SLC29A1: variants seen among roughly 807,000 people sequenced by gnomAD.
The protein encoded by SLC29A1 is solute carrier family 29 member 1 (Augustine blood group), also known as equilibrative nucleoside transporter 1.
A neutral mutation model predicts 48.3 loss-of-function variants in SLC29A1; 22 were observed. The observed-to-expected ratio is 0.46, with a 90% confidence interval of 0.33 to 0.65. SLC29A1 has a LOEUF of 0.65. Among genes scored for constraint, SLC29A1 ranks in the 30% least tolerant of loss-of-function variants. SLC29A1 has a pLI of 0.03. For missense variants in SLC29A1, 491 were observed against 575.3 expected (o/e 0.85, Z 1.50); for synonymous variants, 228 against 231.0 (o/e 0.99, Z 0.12).
Position 44,229,356 on chromosome 6 carries a change from C to T in SLC29A1, c.30-34C>T, listed in dbSNP as rs762701366. 6.9e-5 allele frequency: 106 copies of T among 1,529,266 alleles called. No homozygotes were observed. The highest frequency in any genetic ancestry group is 9.0e-5 in the Non-Finnish European group (99 of 1,102,574). The allele number at this position is 1,529,266 out of a possible 1,614,324, so 94.7% of individuals were successfully genotyped here. A position where few individuals can be genotyped will look rare whatever the true frequency, so the allele number is the denominator to read the frequency against. On this transcript the variant is annotated intron_variant, in intron 2 of 12. Coordinates refer to ENST00000371755, the MANE Select transcript of SLC29A1 (RefSeq NM_001372327.1). This position sits in a 1 kb window ranked among gnomAD's most constrained non-coding sequence, Gnocchi z 5.1. ...CATTGTGGAGTGGGGCAGGATGGTG[C>T]GTCATTTGGCCCATCTTTCCTCCTC... is the stretch of plus-strand genomic sequence containing the variant.
chr6:44,229,389 G>C lies in SLC29A1; in HGVS notation c.30-1G>C, dbSNP rs1778325639. On this transcript the variant is annotated splice_acceptor_variant, in intron 2 of 12. Coordinates refer to ENST00000371755, the MANE Select transcript of SLC29A1 (RefSeq NM_001372327.1). LOFTEE classifies it high-confidence loss of function. The surrounding 1 kb of genome is among the most constrained non-coding windows in gnomAD (Gnocchi z 5.1). ...GGCCCATCTTTCCTCCTCCATTGCA[G>C]ATACAAAGCTGTCTGGCTTATCTTC... 6.2e-7 allele frequency: 1 copy of C among 1,613,554 alleles called. No homozygotes were observed. Among genetic ancestry groups the C allele is most frequent in the Non-Finnish European group, 8.5e-7 (1 of 1,179,456 alleles).
intron 1 of SLC29A1, chr6:44,225,916 G>T (rs777415029): frequency 6.5e-6 from 1 of 153,606 alleles, no homozygotes; most frequent in African/African-American, 2.4e-5. Context: ...CTTATCTCCC[G>T]AGCGACAGGG....
At chr6:44,230,772 G>A (rs559579599) in intron 7 of SLC29A1, 39 bp from the exon 8 acceptor site, 2 of 1,591,164 alleles carry the variant, frequency 1.3e-6, no homozygotes, top group South Asian at 2.2e-5. Context: ...TGGAGATTCT[G>A]CCTCTAAATC....
rs1778609540 is a variant in SLC29A1, at chr6:44,230,610, C to T, written c.632C>T (p.Thr211Ile). The T allele has an allele frequency of 1.2e-6, 2 of 1,613,948 alleles. No individual in the cohort carries two copies. Among genetic ancestry groups the T allele is most frequent in the East Asian group, 4.5e-5 (2 of 44,866 alleles). Residue 211 changes from threonine (T) to isoleucine (I), a missense_variant, in exon 7 of 13, where the codon ACA becomes ATA. Physicochemically the swap from Thr to Ile is moderately conservative, Grantham distance 89. Transcript: ENST00000371755. ...GAAAGTGCCTTCGGCTACTTTATCACAGCCTGTGCTGTTATCATTTTGACC... is the reference window on the plus strand; with the variant it reads ...GAAAGTGCCTTCGGCTACTTTATCATAGCCTGTGCTGTTATCATTTTGACC... Reference protein sequence around the residue: ...LSESAFGYFITACAVIILTII... With the variant: ...LSESAFGYFIIACAVIILTII...
chr6:44,219,781 A>C (rs762699413), upstream of SLC29A1: 66 of 1,212,698 alleles, frequency 5.4e-5, 1 homozygote, highest in South Asian at 8.7e-4. Flanking sequence ...AAGTCTCAGC[A>C]GGTGCGCGGG....
Position 44,229,799 on chromosome 6 carries a change from C to T in SLC29A1, c.314+8C>T. The T allele has an allele frequency of 6.2e-7, 1 of 1,606,008 alleles. No homozygotes were observed. On this transcript the variant is annotated splice_region_variant and intron_variant, in intron 4 of 12. Transcript: ENST00000371755. This position sits in a 1 kb window ranked among gnomAD's most constrained non-coding sequence, Gnocchi z 5.1. ...CTCCTTCCTGCATCAGAGGTGAGTG[C>T]CCACCCCCTCCCCAGCCCCCAGCCT...
rs1778842133 is a variant in SLC29A1 at position 44,231,423 on chromosome 6, A to G, written c.826A>G (p.Thr276Ala). The G allele has an allele frequency of 3.1e-6, 5 of 1,607,868 alleles. No individual in the cohort carries two copies. The highest frequency in any genetic ancestry group is 4.3e-6 in the Non-Finnish European group (5 of 1,176,202). ...AGTTTCAGTCTCCAACTCTCAGCCC[A>G]CCAATGAAAGCCACTCTATCAAAGC... ...SGVSVSNSQP[T>A]NESHSIKAIL... Residue 276 changes from threonine to alanine, a missense_variant, in exon 9 of 13, where the codon ACC becomes GCC. Transcript: ENST00000371755.
chr6:44,228,968 A>G (rs1778207513), intron 2 of SLC29A1, among the ~76,000 whole-genome samples: 1 of 152,194 alleles, frequency 6.6e-6, no homozygotes, highest in South Asian at 2.1e-4. Flanking sequence ...CCCTGACCAG[A>G]CAGCATAATT....
upstream of SLC29A1, among the ~76,000 whole-genome samples, chr6:44,220,126 T>C (rs1344539806): frequency 6.6e-6 from 1 of 152,082 alleles, no homozygotes; most frequent in Non-Finnish European, 1.5e-5. Flanking sequence ...GTACCCACAC[T>C]GTGAACACAC....
chr6:44,228,636 T>C (rs1778124480), intron 2 of SLC29A1, among the ~76,000 whole-genome samples: 1 of 152,266 alleles, frequency 6.6e-6, no homozygotes, highest in South Asian at 2.1e-4. Flanking sequence ...GGGCTGGGGT[T>C]ACTCAGCTTT....
chr6:44,227,404 T>C, intron 2 of SLC29A1, 62 bp downstream of exon 2: 2 of 1,455,004 alleles, frequency 1.4e-6, no homozygotes, highest in Non-Finnish European at 9.6e-7. Flanking sequence ...CTGGGTGTGG[T>C]GTCCTTTGGA....
chr6:44,221,237 C>T (rs1204091004), upstream of SLC29A1, among the ~76,000 whole-genome samples: 3 of 152,156 alleles, frequency 2.0e-5, no homozygotes, highest in African/African-American at 7.2e-5. The surrounding 1 kb of genome is among the most constrained non-coding windows in gnomAD (Gnocchi z 4.2). Context: ...TTTTACACCC[C>T]TGGCAAGTGC....
intron 1 of SLC29A1, among the ~76,000 whole-genome samples, chr6:44,224,611 C>T (rs1433456917): frequency 6.6e-6 from 1 of 152,178 alleles, no homozygotes; most frequent in Non-Finnish European, 1.5e-5. Flanking sequence ...CTCTGAACCT[C>T]AGCTGGCCCC....
Position 44,229,447 on chromosome 6 carries a change from G to C in SLC29A1, c.87G>C (p.Trp29Cys), listed in dbSNP as rs776102389. ...FMLGLGTLLP[W>C]NFFMTATQYF... is the part of the protein sequence containing the mutation. ...TGGGTCTGGGAACGCTGCTCCCGTG[G>C]AATTTTTTCATGACGGCCACTCAGG... is the stretch of plus-strand genomic sequence containing the variant. The change falls in exon 3 of 13, where the codon TGG (tryptophan) becomes TGC (cysteine). Residue 29 changes from tryptophan to cysteine, a missense_variant. Coordinates refer to ENST00000371755, the MANE Select transcript of SLC29A1 (RefSeq NM_001372327.1). This position sits in a 1 kb window ranked among gnomAD's most constrained non-coding sequence, Gnocchi z 5.1. 6.2e-7 allele frequency: 1 copy of C among 1,614,054 alleles called. No individual in the cohort carries two copies. Among genetic ancestry groups the C allele is most frequent in the Non-Finnish European group, 8.5e-7 (1 of 1,180,026 alleles).
chr6:44,220,039 A>ATCTT (rs1695251880), upstream of SLC29A1, among the ~76,000 whole-genome samples: 1 of 152,206 alleles, frequency 6.6e-6, no homozygotes, highest in South Asian at 2.1e-4. Flanking sequence ...TAGGGGGAAG[A>ATCTT]GGTCTGGAAA....
chr6:44,219,650 C>T (rs1243372498), upstream of SLC29A1: 2 of 1,248,724 alleles, frequency 1.6e-6, no homozygotes, highest in African/African-American at 1.6e-5. Flanking sequence ...CGGTCAGGCC[C>T]GGCGCGGGCT....
intron 9 of SLC29A1, 38 bp downstream of exon 9, chr6:44,231,499 C>G: frequency 7.6e-7 from 1 of 1,318,598 alleles, no homozygotes. Flanking sequence ...TACCCCTTGT[C>G]CTCTTTCTCT....
At chr6:44,223,313 G>A (rs1265396905), upstream of SLC29A1, among the ~76,000 whole-genome samples, 1 of 151,984 alleles carries the variant, frequency 6.6e-6, no homozygotes, top group African/African-American at 2.4e-5. This position sits in a 1 kb window ranked among gnomAD's most constrained non-coding sequence, Gnocchi z 5.0. Context: ...GGTCCTTAAT[G>A]TGTGGCTGTA....
chr6:44,221,536 A>T (rs1283821799), upstream of SLC29A1: 1 of 977,792 alleles, frequency 1.0e-6, no homozygotes, highest in South Asian at 1.3e-5. The surrounding 1 kb of genome is among the most constrained non-coding windows in gnomAD (Gnocchi z 4.2). Context: ...AATAAGGTGT[A>T]GAGTAGAGGT....
Sources: gnomAD v4.1 joint callset for allele counts (sites outside exome capture counted in the v4.1 genomes callset) on GRCh38, gnomAD v4.1.1 for gene constraint, Gnocchi (gnomAD v3.1) non-coding constraint, MANE v1.5 for transcripts, NCBI Gene and HGNC (gene_info 2026-07-23, HGNC 2026-07-21) for gene names.